The following CHD7 variants were observed in gnomAD, a reference collection of about 807,000 sequenced individuals.
CHD7 encodes the protein ATP-dependent chromatin remodeler CHD7.
In CHD7, 24 loss-of-function variants were observed where a neutral mutation model predicts 307.3. That is an observed-to-expected ratio of 0.08 (90% CI 0.06 to 0.11). CHD7 has a LOEUF of 0.11. CHD7 is among the 10% of genes least tolerant of loss of function. The pLI is 1.00. For synonymous variants in CHD7, 1,363 were observed against 1,349.9 expected, an observed-to-expected ratio of 1.01 and a Z score of -0.21; for missense variants, 3,106 against 3,727.1, an observed-to-expected ratio of 0.83 and a Z score of 4.34.
At chr8:60,758,507 T>C (rs191932477) in intron 2 of CHD7, among the ~76,000 whole-genome samples, 1 of 152,334 alleles carries the variant, frequency 6.6e-6, no homozygotes, top group African/African-American at 2.4e-5. Context: ...GTTGTTGAGC[T>C]CATGGGTGTT....
intron 3 of CHD7, among the ~76,000 whole-genome samples, chr8:60,783,102 T>C (rs1403028900): frequency 6.6e-6 from 1 of 152,198 alleles, no homozygotes; most frequent in Non-Finnish European, 1.5e-5. Flanking sequence ...AATTTTTAAA[T>C]TTATCACCTA....
chr8:60,680,408 G>GCGGGGGCGGC (rs1395617336), intron 1 of CHD7, among the ~76,000 whole-genome samples: 3 of 108,074 alleles, frequency 2.8e-5, no homozygotes, highest in South Asian at 3.0e-4. Context: ...CGGGGGGGGG[G>GCGGGGGCGGC]GGCGGGGGCG....
At chr8:60,693,824 C>G (rs1418027238) in intron 1 of CHD7, among the ~76,000 whole-genome samples, 1 of 152,270 alleles carries the variant, frequency 6.6e-6, no homozygotes, top group Non-Finnish European at 1.5e-5. Flanking sequence ...AGTGATCCAA[C>G]TAGCAGCTGA....
intron 6 of CHD7, among the ~76,000 whole-genome samples, chr8:60,806,067 AT>A (rs1208905272): frequency 6.6e-6 from 1 of 152,090 alleles, no homozygotes; most frequent in Non-Finnish European, 1.5e-5. Flanking sequence ...AAGATAATAT[AT>A]CTTAAAATGG....
intron 1 of CHD7, among the ~76,000 whole-genome samples, chr8:60,737,132 G>A (rs1808752672): frequency 6.6e-6 from 1 of 151,940 alleles, no homozygotes; most frequent in African/African-American, 2.4e-5. Flanking sequence ...CATTGATTCT[G>A]TCTGTGCTTG....
Position 60,865,507 on chromosome 8 carries a change from C to T in CHD7, c.8568C>T (p.Asp2856=), listed in dbSNP as rs539868738. 15 of 1,614,070 alleles carry T rather than the reference C, an allele frequency of 9.3e-6. No individual in the cohort carries two copies. The African/African-American group carries it at 1.6e-4, about 17-fold the overall frequency. ...ATGAGAATGAAGACGAGAACAAAGA[C>T]TCTGAGAAAAGCACAGATGCTGTTT... ...KGNENEDENK[D]SEKSTDAVSA... The change falls in exon 38 of 38, where the codon GAC becomes GAT. Residue 2856 remains aspartate, a synonymous_variant. Transcript: ENST00000423902. The surrounding 1 kb of genome is among the most constrained non-coding windows in gnomAD (Gnocchi z 4.3).
At chr8:60,827,794 A>C (rs896745083) in intron 13 of CHD7, among the ~76,000 whole-genome samples, 1 of 151,892 alleles carries the variant, frequency 6.6e-6, no homozygotes, top group East Asian at 1.9e-4. Context: ...CTGCTTGGCA[A>C]CCGAGACTTG....
chr8:60,682,501 A>G (rs1424582228), intron 1 of CHD7, among the ~76,000 whole-genome samples: 1 of 152,232 alleles, frequency 6.6e-6, no homozygotes, highest in South Asian at 2.1e-4. Context: ...GTGCCAAGTT[A>G]GTGTAGTTCT....
intron 1 of CHD7, among the ~76,000 whole-genome samples, chr8:60,701,363 C>A (rs1806752786): frequency 6.6e-6 from 1 of 152,150 alleles, no homozygotes; most frequent in African/African-American, 2.4e-5. Context: ...GCGGACTGTC[C>A]CTTTTGTTTC....
intron 4 of CHD7, among the ~76,000 whole-genome samples, chr8:60,796,647 A>G (rs975002150): frequency 2.0e-5 from 3 of 152,106 alleles, no homozygotes; most frequent in African/African-American, 7.2e-5. Flanking sequence ...TGCATTTCAA[A>G]CATAGAAAAC....
At chr8:60,743,983 T>C (rs536965676) in intron 2 of CHD7, among the ~76,000 whole-genome samples, 2 of 152,232 alleles carry the variant, frequency 1.3e-5, no homozygotes, top group Admixed American at 6.5e-5. Flanking sequence ...GATGGACTTA[T>C]TATCAATTTT....
chr8:60,805,082 C>G (rs779920101), intron 6 of CHD7, among the ~76,000 whole-genome samples: 4 of 152,092 alleles, frequency 2.6e-5, no homozygotes, highest in Non-Finnish European at 5.9e-5. Context: ...TTGCCTATGC[C>G]TGTTGTAGAA....
chr8:60,832,839 T>C (rs1804580809), intron 15 of CHD7, among the ~76,000 whole-genome samples: 1 of 152,234 alleles, frequency 6.6e-6, no homozygotes, highest in Non-Finnish European at 1.5e-5. Context: ...AGCATATTTG[T>C]TCGCGAGGAG....
intron 34 of CHD7, among the ~76,000 whole-genome samples, chr8:60,859,702 A>C (rs1198386741): frequency 2.0e-5 from 3 of 152,154 alleles, no homozygotes; most frequent in Non-Finnish European, 4.4e-5. Context: ...GTAAGAGGAG[A>C]GAGCCTCTTG....
chr8:60,854,413 A>G lies in CHD7; in HGVS notation c.6826A>G (p.Met2276Val), dbSNP rs746576881. ...KNFDEESNAS[M>V]STARDETRDG... ...TTTTGATGAAGAAAGCAATGCTTCC[A>G]TGAGCACTGCTAGAGATGAAACCCG... The change falls in exon 32 of 38, where the codon ATG (methionine) becomes GTG (valine). Residue 2276 changes from methionine to valine, a missense_variant. By Grantham distance (21) the Met-to-Val change is conservative. Transcript: ENST00000423902. The G allele has an allele frequency of 3.0e-5, 48 of 1,613,632 alleles. No homozygotes were observed. Among genetic ancestry groups the G allele is most frequent in the Non-Finnish European group, 4.0e-5 (47 of 1,179,566 alleles).
At position 60,852,561 on chromosome 8, in the gene CHD7, C is replaced by T. The variant is rs1042943431; in HGVS notation, c.5958C>T (p.Asp1986=). 12 of 1,613,886 alleles carry T rather than the reference C, an allele frequency of 7.4e-6. No homozygotes were observed. The highest frequency in any genetic ancestry group is 1.0e-5 in the Non-Finnish European group (12 of 1,179,842). Residue 1986 remains aspartate (D), a synonymous_variant, in exon 30 of 38, where the codon GAC becomes GAT. Transcript: ENST00000423902. ...TATCCACCTTTGGGGTTATTTTTGA[C>T]CCTGTGAAACAGCAATTTGACTGGA... The part of the protein sequence containing the change: ...RVVSTFGVIF[D]PVKQQFDWNQ...
chr8:60,851,380 G>C, intron 28 of CHD7, 61 bp downstream of exon 28: 4 of 1,272,792 alleles, frequency 3.1e-6, no homozygotes, highest in Non-Finnish European at 4.5e-6. Context: ...CATTGTTCAC[G>C]TGGTAGGGAC....
At chr8:60,831,758 G>C (rs1038259606) in intron 15 of CHD7, among the ~76,000 whole-genome samples, 4 of 152,108 alleles carry the variant, frequency 2.6e-5, no homozygotes, top group African/African-American at 9.7e-5. Context: ...TAGTTGGCCA[G>C]CAGTGCAATT....
intron 11 of CHD7, 91 bp downstream of exon 11, chr8:60,822,236 T>A: frequency 8.6e-7 from 1 of 1,167,758 alleles, no homozygotes; most frequent in Non-Finnish European, 1.2e-6. Flanking sequence ...CTTAATGTTT[T>A]AACTCTAATA....
Sources: allele counts gnomAD v4.1 joint callset (sites outside exome capture counted in the v4.1 genomes callset), GRCh38; gene constraint gnomAD v4.1.1; non-coding constraint Gnocchi (gnomAD v3.1); transcripts MANE v1.5; gene names NCBI Gene and HGNC (gene_info 2026-07-23, HGNC 2026-07-21).